ARHGEF40: variants seen among roughly 807,000 people sequenced by gnomAD.
ARHGEF40 encodes Rho guanine nucleotide exchange factor (GEF) 40.
ARHGEF40 carries 98 observed loss-of-function variants against 165.9 expected under a neutral mutation model. That is an observed-to-expected ratio of 0.59 (90% CI 0.50 to 0.70). The LOEUF (loss-of-function observed/expected upper bound fraction) is 0.70. ARHGEF40 is among the 30% of genes least tolerant of loss of function. The probability of loss-of-function intolerance (pLI) is 0.00; values close to 1 mark genes in which losing one functional copy is unlikely to be tolerated. For synonymous variants in ARHGEF40, 792 were observed against 814.3 expected, an observed-to-expected ratio of 0.97 and a Z score of 0.47; for missense variants, 1,815 against 1,968.0, an observed-to-expected ratio of 0.92 and a Z score of 1.47.
Position 21,074,396 on chromosome 14 carries a change from G to A in ARHGEF40, c.666G>A (p.Leu222=), listed in dbSNP as rs750449305. The A allele has an allele frequency of 6.2e-7, 1 of 1,612,958 alleles. No homozygotes were observed. The highest frequency in any genetic ancestry group is 1.1e-5 in the South Asian group (1 of 90,972). The part of the protein sequence containing the change: ...LPSPPLPEEA[L]GTRSPGDGHN... Reference sequence around the variant, plus strand: ...GCCCTCCACTTCCTGAGGAGGCGCTGGGTACCCGGAGTCCTGGGGATGGGC... The same window carrying A: ...GCCCTCCACTTCCTGAGGAGGCGCTAGGTACCCGGAGTCCTGGGGATGGGC... Residue 222 remains leucine, a synonymous_variant, in exon 3 of 24, where the codon CTG becomes CTA. Transcript: ENST00000298694. This position sits in a 1 kb window ranked among gnomAD's most constrained non-coding sequence, Gnocchi z 4.8.
At position 21,090,135 on chromosome 14, in the gene ARHGEF40, A is replaced by T. The variant is rs1888701311; in HGVS notation, c.*1127A>T. On this transcript the variant is annotated 3_prime_UTR_variant, in exon 24 of 24. Transcript: ENST00000298694. The surrounding 1 kb of genome is among the most constrained non-coding windows in gnomAD (Gnocchi z 4.4). ...CGACTCTGCAATAGGGATGACAGGA[A>T]TCGTACCAAAAATAGCGACGTCTAC... The T allele has an allele frequency of 2.2e-6, 1 of 454,756 alleles. No homozygotes were observed. Among genetic ancestry groups the T allele is most frequent in the African/African-American group, 2.0e-5 (1 of 49,982 alleles). The allele number at this position is 454,756 out of a possible 1,614,324, so 28.2% of individuals were successfully genotyped here.
chr14:21,074,796 AGAGGAG>A lies in ARHGEF40; in HGVS notation c.1080_1085del (p.Gly361_Gly362del), dbSNP rs377320500. On this transcript the variant is annotated inframe_deletion, in exon 3 of 24. Transcript: ENST00000298694. The surrounding 1 kb of genome is among the most constrained non-coding windows in gnomAD (Gnocchi z 4.8). ...TTGCCCCCTGAGGCCAGGGGAGCTTAGAGGAGGAGGAGGAGGAGGCCAGGGGGCTGA... is the reference window on the plus strand; with the variant it reads ...TTGCCCCCTGAGGCCAGGGGAGCTTAGAGGAGGAGGAGGCCAGGGGGCTGA... 2,379 of 1,607,592 alleles carry A rather than the reference AGAGGAG, an allele frequency of 1.5e-3. 17 individuals are homozygous for A. The African/African-American group carries it at 0.025, about 17-fold the overall frequency.
intron 22 of ARHGEF40, 34 bp downstream of exon 22, chr14:21,088,132 A>G: frequency 6.3e-7 from 1 of 1,580,268 alleles, no homozygotes; most frequent in Middle Eastern, 1.7e-4. Context: ...GAACAATGTG[A>G]TCTCTTTGGC....
At chr14:21,088,465 G>A (rs2139276846) in intron 22 of ARHGEF40, among the ~76,000 whole-genome samples, 1 of 150,938 alleles carries the variant, frequency 6.6e-6, no homozygotes, top group South Asian at 2.1e-4. Flanking sequence ...GATCACTTGA[G>A]CCCAGGAATT....
In ARHGEF40 at chr14:21,081,870, G is replaced by C. The variant is rs780671481; in HGVS notation, c.3002G>C (p.Arg1001Pro). The change falls in exon 14 of 24, where the codon CGG becomes CCG. Residue 1001 changes from arginine to proline, a missense_variant. Physicochemically the swap from Arg to Pro is moderately radical, Grantham distance 103. Coordinates refer to ENST00000298694, the MANE Select transcript of ARHGEF40 (RefSeq NM_018071.5). ...SLLLPSSPGP[R>P]PAPSHCSLAP... ...CTGCTCCCCAGCAGCCCTGGGCCAC[G>C]GCCAGCCCCATCCCATTGCTCCCTG... The C allele has an allele frequency of 1.9e-6, 3 of 1,612,902 alleles. No individual in the cohort carries two copies. The highest frequency in any genetic ancestry group is 2.5e-6 in the Non-Finnish European group (3 of 1,179,828).
chr14:21,074,435 G>T lies in ARHGEF40; in HGVS notation c.705G>T (p.Val235=). ...RSPGDGHNAP[V]EGPEGEYVEL... ...CTGGGGATGGGCACAATGCCCCTGT[G>T]GAAGGACCTGAGGGCGAGTATGTGG... The change falls in exon 3 of 24, where the codon GTG becomes GTT. Residue 235 remains valine (V), a synonymous_variant. Transcript: ENST00000298694. The surrounding 1 kb of genome is among the most constrained non-coding windows in gnomAD (Gnocchi z 4.8). The T allele has an allele frequency of 6.2e-7, 1 of 1,606,266 alleles. No homozygotes were observed.
chr14:21,073,720 C>G lies in ARHGEF40; in HGVS notation c.202-212C>G, dbSNP rs80247812. ...ACCCTCCCACACATGGAACTAGCTT[C>G]CTGAAGAATCTTCCTACTACTGGGA... On this transcript the variant is annotated intron_variant, in intron 2 of 23. Transcript: ENST00000298694. This position sits in a 1 kb window ranked among gnomAD's most constrained non-coding sequence, Gnocchi z 4.6. 6.6e-6 allele frequency among the ~76,000 whole-genome samples: 1 copy of G among 152,172 alleles called. No homozygotes were observed. The highest frequency in any genetic ancestry group is 1.5e-5 in the Non-Finnish European group (1 of 68,032).
rs201804482 is a variant in ARHGEF40 at position 21,081,616 on chromosome 14, C to T, written c.2748C>T (p.Ala916=). 29 of 1,610,672 alleles carry T rather than the reference C, an allele frequency of 1.8e-5. No homozygotes were observed. Among genetic ancestry groups the T allele is most frequent in the African/African-American group, 1.6e-4 (12 of 75,000 alleles). Residue 916 remains alanine, a synonymous_variant, in exon 14 of 24, where the codon GCC becomes GCT. Coordinates refer to ENST00000298694, the MANE Select transcript of ARHGEF40 (RefSeq NM_018071.5). ...LALRRAPEPS[A]GTFQEMRALA... is the part of the protein sequence containing the mutation. Reference sequence around the variant, plus strand: ...TGCGGCGGGCCCCAGAGCCCAGTGCCGGCACCTTCCAGGAGATGCGGGCCC... The same window carrying T: ...TGCGGCGGGCCCCAGAGCCCAGTGCTGGCACCTTCCAGGAGATGCGGGCCC...
chr14:21,075,208 G>A lies in ARHGEF40; in HGVS notation c.1450+28G>A. ...GAGATGACACGGAGTGAGGCTCATG[G>A]GGCAAGGGCCAAAGCAGGTCGGGCC... is the stretch of plus-strand genomic sequence containing the variant. On this transcript the variant is annotated intron_variant, in intron 3 of 23. Coordinates refer to ENST00000298694, the MANE Select transcript of ARHGEF40 (RefSeq NM_018071.5). This position sits in a 1 kb window ranked among gnomAD's most constrained non-coding sequence, Gnocchi z 4.5. 9 of 1,583,140 alleles carry A rather than the reference G, an allele frequency of 5.7e-6. No homozygotes were observed. Among genetic ancestry groups the A allele is most frequent in the Non-Finnish European group, 7.7e-6 (9 of 1,165,582 alleles).
At position 21,070,787 on chromosome 14, in the gene ARHGEF40, A is replaced by AC. The variant is rs891285732; in HGVS notation, c.3+391dup. ...ACCCCTGCGGGTTGGTCCTGCAGCGACCCTGGAAGAGGCCCGGCCCCTCGG... is the reference window on the plus strand; with the variant it reads ...ACCCCTGCGGGTTGGTCCTGCAGCGACCCCTGGAAGAGGCCCGGCCCCTCGG... On this transcript the variant is annotated intron_variant, in intron 1 of 23. Coordinates refer to ENST00000298694, the MANE Select transcript of ARHGEF40 (RefSeq NM_018071.5). This position sits in a 1 kb window ranked among gnomAD's most constrained non-coding sequence, Gnocchi z 4.7. 9.8e-6 allele frequency: 15 copies of AC among 1,533,502 alleles called. No homozygotes were observed. Among genetic ancestry groups the AC allele is most frequent in the Non-Finnish European group, 1.3e-5 (15 of 1,145,980 alleles). 95.0% of individuals were successfully genotyped at this position (1,533,502 alleles called of 1,614,324 possible).
rs1434842689 is a variant in ARHGEF40, at chr14:21,076,864, C to G, written c.2008C>G (p.Pro670Ala). 12 of 1,613,536 alleles carry G rather than the reference C, an allele frequency of 7.4e-6. No homozygotes were observed. The highest frequency in any genetic ancestry group is 1.0e-5 in the Non-Finnish European group (12 of 1,179,956). Residue 670 changes from proline to alanine, a missense_variant, in exon 8 of 24, where the codon CCC (proline) becomes GCC (alanine). By Grantham distance (27) the Pro-to-Ala change is conservative. Transcript: ENST00000298694. ...WELGGHRDPS[P>A]SHWVEIHQEV... ...GTTAGGAGGTCACAGGGACCCCTCT[C>G]CCAGTCACTGGGTAGAGATACACCA...
chr14:21,073,331 C>A lies in ARHGEF40; in HGVS notation c.201+89C>A, dbSNP rs1220854573. 10 of 1,358,156 alleles carry A rather than the reference C, an allele frequency of 7.4e-6. No homozygotes were observed. The highest frequency in any genetic ancestry group is 1.0e-5 in the Non-Finnish European group (10 of 992,488). The allele number at this position is 1,358,156 out of a possible 1,614,324, so 84.1% of individuals were successfully genotyped here. A position where few individuals can be genotyped will look rare whatever the true frequency, so the allele number is the denominator to read the frequency against. On this transcript the variant is annotated intron_variant, in intron 2 of 23. Coordinates refer to ENST00000298694, the MANE Select transcript of ARHGEF40 (RefSeq NM_018071.5). This position sits in a 1 kb window ranked among gnomAD's most constrained non-coding sequence, Gnocchi z 4.6. ...CCAGGCTGACTAATGCCCCCACTAA[C>A]CTAGAGATACAGCCTCCCTTGAAAC...
At chr14:21,085,590 A>G in intron 18 of ARHGEF40, 99 bp from the exon 19 acceptor site, 1 of 1,389,704 alleles carries the variant, frequency 7.2e-7, no homozygotes, top group East Asian at 2.5e-5. Flanking sequence ...CGTTTACTGA[A>G]CATCTATCAG....
intron 11 of ARHGEF40, among the ~76,000 whole-genome samples, chr14:21,080,289 G>A (rs3827913): frequency 0.5 from 75,792 of 150,612 alleles, 19,500 homozygotes; most frequent in Non-Finnish European, 0.57. Context: ...CCCTGGGACC[G>A]TTTCTCACCA....
chr14:21,081,376 A>C (rs1272230240), intron 13 of ARHGEF40, 133 bp from the exon 14 acceptor site: 3 of 1,280,884 alleles, frequency 2.3e-6, no homozygotes, highest in East Asian at 4.7e-5. Flanking sequence ...ATGGTGGAAC[A>C]GTGAGAAAAC....
chr14:21,085,859 C>T lies in ARHGEF40; in HGVS notation c.4131C>T (p.His1377=), dbSNP rs1888297095. Residue 1377 remains histidine, a synonymous_variant, in exon 19 of 24, where the codon CAC becomes CAT. Coordinates refer to ENST00000298694, the MANE Select transcript of ARHGEF40 (RefSeq NM_018071.5). ...AGCTGCTGTGGAGACAGGCAGCCCACAACAAGGGTACTGGGCAGAGCTGAG... is the reference window on the plus strand; with the variant it reads ...AGCTGCTGTGGAGACAGGCAGCCCATAACAAGGGTACTGGGCAGAGCTGAG... ...IAQLLWRQAA[H]NKELRVQQMV... is the part of the protein sequence containing the mutation. 1 of 1,613,918 alleles carries T rather than the reference C, an allele frequency of 6.2e-7. No homozygotes were observed. The highest frequency in any genetic ancestry group is 8.5e-7 in the Non-Finnish European group (1 of 1,180,026).
rs1457542806 is a variant in ARHGEF40, at chr14:21,070,393, A to G, written c.-4A>G. On this transcript the variant is annotated 5_prime_UTR_variant, in exon 1 of 24. Coordinates refer to ENST00000298694, the MANE Select transcript of ARHGEF40 (RefSeq NM_018071.5). The surrounding 1 kb of genome is among the most constrained non-coding windows in gnomAD (Gnocchi z 4.7). Reference sequence around the variant, plus strand: ...AAGCGTCGGACGCGGCCCGGCGCCGAGCCATGGTGAGTCCAGCGTCGCAGC... The same window carrying G: ...AAGCGTCGGACGCGGCCCGGCGCCGGGCCATGGTGAGTCCAGCGTCGCAGC... 3.5e-6 allele frequency: 5 copies of G among 1,409,518 alleles called. 1 individual carries two copies. The South Asian group carries it at 7.6e-5, about 21-fold the overall frequency. 87.3% of individuals were successfully genotyped at this position (1,409,518 alleles called of 1,614,324 possible). A position where few individuals can be genotyped will look rare whatever the true frequency, so the allele number is the denominator to read the frequency against.
chr14:21,076,708 G>T, intron 7 of ARHGEF40, 65 bp downstream of exon 7: 3 of 1,609,504 alleles, frequency 1.9e-6, no homozygotes, highest in Admixed American at 1.7e-5. Flanking sequence ...AGGCTGGCTG[G>T]AGCCCCAGGC....
chr14:21,078,303 G>A, intron 9 of ARHGEF40, 31 bp downstream of exon 9: 1 of 1,609,774 alleles, frequency 6.2e-7, no homozygotes, highest in Non-Finnish European at 8.5e-7. Context: ...GTGGGGGGAT[G>A]GGATTGGGAT....
Sources: allele counts gnomAD v4.1 joint callset (sites outside exome capture counted in the v4.1 genomes callset), GRCh38; gene constraint gnomAD v4.1.1; non-coding constraint Gnocchi (gnomAD v3.1); transcripts MANE v1.5; gene names NCBI Gene and HGNC (gene_info 2026-07-23, HGNC 2026-07-21).